ITPR1: variants seen among roughly 807,000 people sequenced by gnomAD.
The protein encoded by ITPR1 is inositol 1,4,5-trisphosphate-gated calcium channel ITPR1.
In ITPR1, 96 loss-of-function variants were observed where a neutral mutation model predicts 318.4. That is an observed-to-expected ratio of 0.30 (90% CI 0.26 to 0.36). The LOEUF is 0.36. ITPR1 is among the 10% of genes least tolerant of loss of function. The pLI is 1.00. For synonymous variants in ITPR1, 1,312 were observed against 1,289.9 expected (o/e 1.02, Z -0.37); for missense variants, 2,440 against 3,460.2 (o/e 0.71, Z 7.40).
At chr3:4,647,959 C>G (rs1377316593) in intron 10 of ITPR1, among the ~76,000 whole-genome samples, 1 of 152,122 alleles carries the variant, frequency 6.6e-6, no homozygotes, top group Non-Finnish European at 1.5e-5. Context: ...TGAAACCAGC[C>G]TGACCAACAT....
At position 4,839,107 on chromosome 3, in the gene ITPR1, C is replaced by T. The variant is rs139256524; in HGVS notation, c.8190+2172C>T. 4.4e-3 allele frequency among the ~76,000 whole-genome samples: 666 copies of T among 152,340 alleles called. 3 individuals carry two copies. The highest frequency in any genetic ancestry group is 0.015 in the African/African-American group (632 of 41,568). On this transcript the variant is annotated intron_variant, in intron 61 of 61. Transcript: ENST00000649015. ...TTTTGGGAGGACAAGGAGGGTGGAT[C>T]ACCTGAGGTCAGGAGTTCGAGACCA...
intron 60 of ITPR1, chr3:4,825,600 C>T (rs1052269139): frequency 2.5e-6 from 1 of 395,498 alleles, no homozygotes; most frequent in Non-Finnish European, 5.0e-6. Context: ...GGACATCTGG[C>T]CCTTGTGCTT....
intron 44 of ITPR1, among the ~76,000 whole-genome samples, chr3:4,743,277 G>C (rs2043837122): frequency 6.6e-6 from 1 of 152,184 alleles, no homozygotes; most frequent in African/African-American, 2.4e-5. Flanking sequence ...AGGAGTCCTT[G>C]AGGATTATTG....
chr3:4,544,243 T>A (rs1399952407), intron 4 of ITPR1, among the ~76,000 whole-genome samples: 1 of 152,214 alleles, frequency 6.6e-6, no homozygotes, highest in Non-Finnish European at 1.5e-5. Flanking sequence ...ACAACAAGCT[T>A]TCTATACTGT....
In ITPR1 at chr3:4,684,395, A is replaced by C. The variant is rs1264984993; in HGVS notation, c.3564+49A>C. 8 of 1,345,698 alleles carry C rather than the reference A, an allele frequency of 5.9e-6. No individual in the cohort carries two copies. The South Asian group carries it at 9.8e-5, about 16-fold the overall frequency. The allele number at this position is 1,345,698 out of a possible 1,614,324, so 83.4% of individuals were successfully genotyped here. A position where few individuals can be genotyped will look rare whatever the true frequency, so the allele number is the denominator to read the frequency against. ...TTTTCCTTTCTTTATGAATTCTCTA[A>C]GGAGCTTTAGTTTGTGATAGTCAAG... On this transcript the variant is annotated intron_variant, in intron 29 of 61. Transcript: ENST00000649015.
chr3:4,652,224 T>G lies in ITPR1; in HGVS notation c.951+6T>G, dbSNP rs1327365224. The G allele has an allele frequency of 1.2e-6, 2 of 1,602,440 alleles. No homozygotes were observed. Among genetic ancestry groups the G allele is most frequent in the Non-Finnish European group, 8.5e-7 (1 of 1,172,360 alleles). ...GGCATTACTTGGCAGCAGAGGTAAG[T>G]AGCAGCTCCTGTGGTTTTCTCTTTC... On this transcript the variant is annotated splice_donor_region_variant and intron_variant, in intron 11 of 61. Transcript: ENST00000649015.
chr3:4,695,998 G>T (rs2094551824), intron 33 of ITPR1, among the ~76,000 whole-genome samples: 1 of 152,178 alleles, frequency 6.6e-6, no homozygotes, highest in Non-Finnish European at 1.5e-5. Context: ...GGTTGCTCCA[G>T]TTACCATTCC....
intron 37 of ITPR1, among the ~76,000 whole-genome samples, chr3:4,708,594 T>C (rs371723312): frequency 3.7e-4 from 56 of 152,368 alleles, no homozygotes; most frequent in African/African-American, 1.3e-3. Flanking sequence ...CAGTATTTTC[T>C]CGCCTGCTCA....
intron 44 of ITPR1, among the ~76,000 whole-genome samples, chr3:4,766,007 C>T (rs1007907127): frequency 5.3e-5 from 8 of 152,138 alleles, no homozygotes; most frequent in Admixed American, 4.6e-4. Context: ...TGTGTAGCTA[C>T]CTGAGTACTT....
At chr3:4,735,054 A>T (rs2043176327) in intron 43 of ITPR1, 110 bp from the exon 44 acceptor site, 2 of 804,916 alleles carry the variant, frequency 2.5e-6, no homozygotes, top group African/African-American at 3.4e-5. Flanking sequence ...GTTAAAAGAG[A>T]TGAACATGGG....
At chr3:4,629,121 A>G (rs2092933625) in intron 5 of ITPR1, among the ~76,000 whole-genome samples, 1 of 152,230 alleles carries the variant, frequency 6.6e-6, no homozygotes, top group Admixed American at 6.5e-5. Flanking sequence ...ATCATCTACA[A>G]GATGGTCCAT....
intron 46 of ITPR1, among the ~76,000 whole-genome samples, chr3:4,769,056 T>C (rs1486075213): frequency 6.6e-6 from 1 of 151,614 alleles, no homozygotes; most frequent in Non-Finnish European, 1.5e-5. Context: ...ATTAGAGGAG[T>C]GCCTGGCTAA....
intron 42 of ITPR1, among the ~76,000 whole-genome samples, chr3:4,729,354 A>G (rs1048458031): frequency 6.6e-6 from 1 of 152,174 alleles, no homozygotes; most frequent in African/African-American, 2.4e-5. Flanking sequence ...TAACTTGTAG[A>G]TACCTTGTGG....
intron 4 of ITPR1, among the ~76,000 whole-genome samples, chr3:4,536,316 ATC>A (rs1444351014): frequency 6.6e-6 from 1 of 152,226 alleles, no homozygotes; most frequent in African/African-American, 2.4e-5. Context: ...TAAGATAACT[ATC>A]TAATAGAATT....
chr3:4,721,584 G>A (rs2042167866), intron 40 of ITPR1, among the ~76,000 whole-genome samples: 1 of 152,158 alleles, frequency 6.6e-6, no homozygotes, highest in Non-Finnish European at 1.5e-5. Context: ...GGTTATGAGT[G>A]AGTGGAAAGG....
intron 4 of ITPR1, among the ~76,000 whole-genome samples, chr3:4,609,071 TATATATATATATATATATAC>T (rs1232273082): frequency 1.1e-5 from 1 of 93,736 alleles, no homozygotes; most frequent in Admixed American, 1.1e-4. Context: ...TATATATATA[TATATATATATATATATATAC>T]ACACACACGT....
In ITPR1 at chr3:4,693,465, T is replaced by C. The variant is rs745901538; in HGVS notation, c.4030-25T>C. On this transcript the variant is annotated intron_variant, in intron 32 of 61. Coordinates refer to ENST00000649015, the MANE Select transcript of ITPR1 (RefSeq NM_001378452.1). The stretch of plus-strand genomic sequence containing the variant: ...GCCCCACCCCTGCAAGCTTGTAATC[T>C]AAACCCACCCTGTTCTTTATGTAGC... 338 of 1,605,210 alleles carry C rather than the reference T, an allele frequency of 2.1e-4. 1 individual carries two copies. Among genetic ancestry groups the C allele is most frequent in the Admixed American group, 7.9e-4 (47 of 59,872 alleles).
intron 4 of ITPR1, among the ~76,000 whole-genome samples, chr3:4,588,940 C>G (rs2090153532): frequency 6.6e-6 from 1 of 152,190 alleles, no homozygotes; most frequent in Non-Finnish European, 1.5e-5. Context: ...CTTCTCACCA[C>G]CTAGTCTACA....
intron 53 of ITPR1, 60 bp from the exon 54 acceptor site, chr3:4,800,365 C>T: frequency 1.3e-6 from 2 of 1,544,104 alleles, no homozygotes; most frequent in South Asian, 1.2e-5. Context: ...TGTTTTAGGT[C>T]TGTCCCCTGT....
Sources: gnomAD v4.1 joint callset for allele counts (sites outside exome capture counted in the v4.1 genomes callset) on GRCh38, gnomAD v4.1.1 for gene constraint, MANE v1.5 for transcripts, NCBI Gene and HGNC (gene_info 2026-07-23, HGNC 2026-07-21) for gene names.